PAXIP1: variants seen among roughly 807,000 people sequenced by gnomAD.
The protein encoded by PAXIP1 is PAX-interacting protein 1.
A neutral mutation model predicts 140.6 loss-of-function variants in PAXIP1; 19 were observed. That is an observed-to-expected ratio of 0.14 (90% CI 0.09 to 0.20). The LOEUF is 0.20. Among genes scored for constraint, PAXIP1 ranks in the 10% least tolerant of loss-of-function variants. The pLI, the probability that PAXIP1 is intolerant of heterozygous loss-of-function variation, is 1.00. For missense variants in PAXIP1, 920 were observed against 1,208.6 expected, an observed-to-expected ratio of 0.76 and a Z score of 3.54; for synonymous variants, 442 against 444.6, an observed-to-expected ratio of 0.99 and a Z score of 0.07.
At position 154,998,766 on chromosome 7, in the gene PAXIP1, C is replaced by A. The variant is rs1256018316; in HGVS notation, c.100G>T (p.Ala34Ser). Residue 34 changes from alanine (A) to serine (S), a missense_variant, in exon 2 of 21, where the codon GCT (alanine) becomes TCT (serine). Around this residue, in one of 5 missense-constraint regions of PAXIP1, gnomAD observed 419 missense variants for 514.7 expected, o/e 0.81. Coordinates refer to ENST00000404141, the MANE Select transcript of PAXIP1 (RefSeq NM_007349.4). ...IDPQVIQLLK[A>S]GKAKEVSYNA... is the part of the protein sequence containing the mutation. ...TAGGAAACTTCCTTCGCTTTTCCAGCCTTGAGAAGCTGAATAACCTAAAAA... is the reference window on the plus strand; with the variant it reads ...TAGGAAACTTCCTTCGCTTTTCCAGACTTGAGAAGCTGAATAACCTAAAAA... 6.2e-7 allele frequency: 1 copy of A among 1,611,876 alleles called. No individual in the cohort carries two copies. Among genetic ancestry groups the A allele is most frequent in the Non-Finnish European group, 8.5e-7 (1 of 1,178,818 alleles).
At chr7:154,996,124 T>C (rs1183866656) in intron 2 of PAXIP1, among the ~76,000 whole-genome samples, 1 of 152,178 alleles carries the variant, frequency 6.6e-6, no homozygotes, top group African/African-American at 2.4e-5. Context: ...CCTTCAGTCA[T>C]ATGAATTCAG....
Position 154,946,825 on chromosome 7 carries a change from T to C in PAXIP1, c.2923-12A>G, listed in dbSNP as rs1312392255. ...TAAAAATATTTTGCCTAAAATTAAA[T>C]GAAAATATATGTATTATGTTCTTAA... On this transcript the variant is annotated splice_polypyrimidine_tract_variant and intron_variant, in intron 17 of 20. Coordinates refer to ENST00000404141, the MANE Select transcript of PAXIP1 (RefSeq NM_007349.4). This position sits in a 1 kb window ranked among gnomAD's most constrained non-coding sequence, Gnocchi z 4.9. The C allele has an allele frequency of 7.9e-6, 12 of 1,520,114 alleles. No individual in the cohort carries two copies. Among genetic ancestry groups the C allele is most frequent in the Non-Finnish European group, 1.1e-5 (12 of 1,114,130 alleles). The allele number at this position is 1,520,114 out of a possible 1,614,324, so 94.2% of individuals were successfully genotyped here.
chr7:155,003,176 GGGGGA>G (rs1811020235), upstream of PAXIP1: 1 of 150,170 alleles, frequency 6.7e-6, no homozygotes, highest in Non-Finnish European at 1.5e-5. Flanking sequence ...CGGCCACCGA[GGGGGA>G]GCGCCGAGGA....
In PAXIP1 at chr7:154,945,972, T is replaced by G. The variant is rs570629418; in HGVS notation, c.3194+393A>C. 3.0e-6 allele frequency: 3 copies of G among 985,096 alleles called. No individual in the cohort carries two copies. In the African/African-American group the frequency reaches 5.2e-5, roughly 17 times the overall value. 61.0% of individuals were successfully genotyped at this position (985,096 alleles called of 1,614,324 possible). ...AGTAATTTATCTCCCATCCCAAAGTTCCTGAGTACAAAGACTATATACGAA... is the reference window on the plus strand; with the variant it reads ...AGTAATTTATCTCCCATCCCAAAGTGCCTGAGTACAAAGACTATATACGAA... On this transcript the variant is annotated intron_variant, in intron 20 of 20. Coordinates refer to ENST00000404141, the MANE Select transcript of PAXIP1 (RefSeq NM_007349.4).
intron 5 of PAXIP1, among the ~76,000 whole-genome samples, chr7:154,977,910 C>CAAACACA (rs1563379744): frequency 5.7e-5 from 8 of 140,456 alleles, no homozygotes; most frequent in African/African-American, 2.0e-4. Flanking sequence ...TGTACATTTT[C>CAAACACA]GAACACAGAC....
At chr7:154,957,984 A>AG (rs1808601228) in intron 13 of PAXIP1, among the ~76,000 whole-genome samples, 1 of 151,742 alleles carries the variant, frequency 6.6e-6, no homozygotes, top group South Asian at 2.1e-4. Flanking sequence ...AAAAAAAAAA[A>AG]AAAAAAAAAG....
In PAXIP1 at chr7:154,986,339, G is replaced by T. The variant is rs1379747749; in HGVS notation, c.325-3007C>A. ...CCTCTGACAGTCTCCAATCAGTTAG[G>T]ACTAACCACTGTGAGCACTCCCTCC... On this transcript the variant is annotated intron_variant, in intron 4 of 20. Coordinates refer to ENST00000404141, the MANE Select transcript of PAXIP1 (RefSeq NM_007349.4). The surrounding 1 kb of genome is among the most constrained non-coding windows in gnomAD (Gnocchi z 4.8). 6.6e-6 allele frequency among the ~76,000 whole-genome samples: 1 copy of T among 152,082 alleles called. No individual in the cohort carries two copies. Among genetic ancestry groups the T allele is most frequent in the Admixed American group, 6.6e-5 (1 of 15,262 alleles).
chr7:154,975,673 T>G, intron 6 of PAXIP1, 23 bp downstream of exon 6: 1 of 1,523,826 alleles, frequency 6.6e-7, no homozygotes, highest in Non-Finnish European at 9.0e-7. Flanking sequence ...ATACTGACAT[T>G]TTTTTCGGAA....
At chr7:154,990,301 A>T (rs541175870) in intron 4 of PAXIP1, among the ~76,000 whole-genome samples, 1 of 152,078 alleles carries the variant, frequency 6.6e-6, no homozygotes, top group Non-Finnish European at 1.5e-5. Context: ...TCGGCCTCCC[A>T]AAGTGCTGGG....
rs1221684256 is a variant in PAXIP1 at position 154,954,297 on chromosome 7, G to A, written c.2779C>T (p.Pro927Ser). 1.3e-6 allele frequency: 2 copies of A among 1,593,188 alleles called. No individual in the cohort carries two copies. The highest frequency in any genetic ancestry group is 2.3e-5 in the South Asian group (2 of 88,852). ...AISVVKHIVTPEWLEECFRCQ... is the reference protein window; with the variant it reads ...AISVVKHIVTSEWLEECFRCQ... Reference sequence around the variant, plus strand: ...CTGAAGCATTCTTCCAGCCACTCTGGCGTCACTATGTGCTTCACGACAGAA... The same window carrying A: ...CTGAAGCATTCTTCCAGCCACTCTGACGTCACTATGTGCTTCACGACAGAA... Residue 927 changes from proline (P) to serine (S), a missense_variant, in exon 16 of 21, where the codon CCA becomes TCA. Coordinates refer to ENST00000404141, the MANE Select transcript of PAXIP1 (RefSeq NM_007349.4). The surrounding 1 kb of genome is among the most constrained non-coding windows in gnomAD (Gnocchi z 5.1).
In PAXIP1 at chr7:154,983,286, T is replaced by C. The variant is rs769222148; in HGVS notation, c.371A>G (p.Tyr124Cys). The C allele has an allele frequency of 2.5e-6, 4 of 1,612,780 alleles. No homozygotes were observed. The highest frequency in any genetic ancestry group is 2.5e-6 in the Non-Finnish European group (3 of 1,179,186). ...GAGGGTTAGCTGGCAATCTCCCCCA[T>C]AGAACGTAACCAAAGCCCACAGGGC... is the stretch of plus-strand genomic sequence containing the variant. ...RSALWALVTF[Y>C]GGDCQLTLNK... The change falls in exon 5 of 21, where the codon TAT (tyrosine) becomes TGT (cysteine). Residue 124 changes from tyrosine (Y) to cysteine (C), a missense_variant. Transcript: ENST00000404141.
intron 20 of PAXIP1, chr7:154,944,982 C>CTTTTTTTTTTTTTTTTTTTTTTATTTT (rs11344042): frequency 7.8e-6 from 1 of 128,948 alleles, no homozygotes; most frequent in Non-Finnish European, 1.6e-5. Context: ...AATTTTACTT[C>CTTTTTTTTTTTTTTTTTTTTTTATTTT]TTTTTTTTTT....
chr7:155,002,300 G>C (rs1810942569), intron 1 of PAXIP1, among the ~76,000 whole-genome samples: 1 of 152,216 alleles, frequency 6.6e-6, no homozygotes, highest in South Asian at 2.1e-4. Flanking sequence ...ACACAGGCTG[G>C]AAGGGAGCGC....
rs1488966169 is a variant in PAXIP1 at position 154,944,176 on chromosome 7, G to A, written c.3195-12C>T. 1.3e-6 allele frequency: 2 copies of A among 1,595,682 alleles called. No homozygotes were observed. Among genetic ancestry groups the A allele is most frequent in the African/African-American group, 2.7e-5 (2 of 74,384 alleles). On this transcript the variant is annotated splice_polypyrimidine_tract_variant and intron_variant, in intron 20 of 20. Transcript: ENST00000404141. ...AGTTAAACTTATATGTAGGCTTGTT[G>A]AGGAAAACGACTTTCAAACACAAGG...
chr7:154,963,540 G>A lies in PAXIP1; in HGVS notation c.1989+131C>T, dbSNP rs1585050130. ...AATCCCACCAAAGATTCGATCACAG[G>A]AAGAAGGAATTTTCCTATCTTTAGA... On this transcript the variant is annotated intron_variant, in intron 9 of 20. Coordinates refer to ENST00000404141, the MANE Select transcript of PAXIP1 (RefSeq NM_007349.4). The surrounding 1 kb of genome is among the most constrained non-coding windows in gnomAD (Gnocchi z 4.1). The A allele has an allele frequency of 1.6e-6, 1 of 634,002 alleles. No individual in the cohort carries two copies. Among genetic ancestry groups the A allele is most frequent in the Non-Finnish European group, 2.8e-6 (1 of 352,924 alleles). The allele number at this position is 634,002 out of a possible 1,614,324, so 39.3% of individuals were successfully genotyped here.
At chr7:154,955,705 G>T in intron 14 of PAXIP1, 74 bp from the exon 15 acceptor site, 1 of 817,856 alleles carries the variant, frequency 1.2e-6, no homozygotes, top group East Asian at 2.8e-5. Flanking sequence ...TAGAAAACAA[G>T]GGATTTCATT....
At chr7:154,998,348 G>C (rs1453491153) in intron 2 of PAXIP1, among the ~76,000 whole-genome samples, 1 of 151,946 alleles carries the variant, frequency 6.6e-6, no homozygotes, top group African/African-American at 2.4e-5. Context: ...GTCTCTACTA[G>C]AATACAAAAA....
chr7:154,998,603 C>A, intron 2 of PAXIP1, 47 bp downstream of exon 2: 1 of 1,516,432 alleles, frequency 6.6e-7, no homozygotes, highest in Admixed American at 1.7e-5. Context: ...GTACTGCTTG[C>A]AAGATACTGA....
intron 17 of PAXIP1, 50 bp downstream of exon 17, chr7:154,947,853 T>G (rs745401065): frequency 1.4e-5 from 18 of 1,286,032 alleles, no homozygotes; most frequent in Admixed American, 3.4e-5. Context: ...CTTGAGCAGG[T>G]CCGTGTGTTA....
Sources: allele counts gnomAD v4.1 joint callset (sites outside exome capture counted in the v4.1 genomes callset), GRCh38; gene constraint gnomAD v4.1.1; regional missense constraint gnomAD v4.1.1; non-coding constraint Gnocchi (gnomAD v3.1); transcripts MANE v1.5; gene names NCBI Gene and HGNC (gene_info 2026-07-23, HGNC 2026-07-21).